MPPED2: variants seen among roughly 807,000 people sequenced by gnomAD.
MPPED2 encodes metallophosphoesterase domain containing 2.
A neutral mutation model predicts 33.0 loss-of-function variants in MPPED2; 5 were observed. The observed-to-expected ratio is 0.15, with a 90% CI of 0.08 to 0.32. MPPED2 has a LOEUF of 0.32. Ranked by LOEUF, MPPED2 falls within the 10% of genes least tolerant of loss-of-function variation. The pLI, the probability that MPPED2 is intolerant of heterozygous loss-of-function variation, is 1.00. For synonymous variants in MPPED2, 136 were observed against 141.9 expected (o/e 0.96, Z 0.29); for missense variants, 275 against 372.1 (o/e 0.74, Z 2.15).
At chr11:30,524,362 A>G (rs1435556240) in intron 3 of MPPED2, among the ~76,000 whole-genome samples, 11 of 152,170 alleles carry the variant, frequency 7.2e-5, no homozygotes, top group African/African-American at 2.7e-4. Flanking sequence ...GTGGTGGGAA[A>G]TTAAGGTGGA....
intron 4 of MPPED2, among the ~76,000 whole-genome samples, chr11:30,461,045 AAAGG>A (rs1950497964): frequency 6.6e-6 from 1 of 152,246 alleles, no homozygotes; most frequent in African/African-American, 2.4e-5. Flanking sequence ...TCAGCTTCAA[AAAGG>A]AAGGAAATTC....
rs112883606 is a variant in MPPED2, at chr11:30,572,036, A to G, written c.128+8210T>C. 2.7e-3 allele frequency among the ~76,000 whole-genome samples: 417 copies of G among 152,262 alleles called. 6 individuals carry two copies. The highest frequency in any genetic ancestry group is 9.5e-3 in the African/African-American group (395 of 41,578). ...TGATCTGATGGCTCCTAGTTGCAGG[A>G]TATGTCTATGAGTTGACGATGACTA... On this transcript the variant is annotated intron_variant, in intron 2 of 6. Transcript: ENST00000358117.
chr11:30,445,572 T>C (rs1375427060), intron 4 of MPPED2, among the ~76,000 whole-genome samples: 1 of 152,220 alleles, frequency 6.6e-6, no homozygotes, highest in Admixed American at 6.5e-5. Context: ...TCAAAATTTG[T>C]TCATCTTCCC....
intron 4 of MPPED2, among the ~76,000 whole-genome samples, chr11:30,481,733 A>T (rs1282829270): frequency 3.9e-5 from 6 of 152,076 alleles, no homozygotes; most frequent in African/African-American, 1.4e-4. Context: ...ATCAAAACGC[A>T]GCACCAAAAA....
intron 2 of MPPED2, among the ~76,000 whole-genome samples, chr11:30,563,576 C>T (rs1310680283): frequency 6.6e-6 from 1 of 152,094 alleles, no homozygotes; most frequent in Non-Finnish European, 1.5e-5. Flanking sequence ...TTTCAGCAAA[C>T]TGTAAGGAGG....
chr11:30,562,337 A>C (rs1170426383), intron 2 of MPPED2, among the ~76,000 whole-genome samples: 5 of 152,180 alleles, frequency 3.3e-5, no homozygotes, highest in Non-Finnish European at 7.3e-5. Context: ...GAGTGGTAGA[A>C]ACAGGAGGAC....
chr11:30,445,004 CT>C (rs1029056868), intron 4 of MPPED2, among the ~76,000 whole-genome samples: 2 of 144,128 alleles, frequency 1.4e-5, no homozygotes, highest in African/African-American at 4.9e-5. Flanking sequence ...TTCTTTTCCT[CT>C]TTGGGAATTG....
At chr11:30,462,424 A>T (rs1950546628) in intron 4 of MPPED2, among the ~76,000 whole-genome samples, 1 of 152,208 alleles carries the variant, frequency 6.6e-6, no homozygotes, top group African/African-American at 2.4e-5. Flanking sequence ...ACTTCAATAC[A>T]CGCTCTGCAT....
At chr11:30,551,053 C>T (rs1955687679) in intron 2 of MPPED2, among the ~76,000 whole-genome samples, 2 of 152,136 alleles carry the variant, frequency 1.3e-5, no homozygotes, top group African/African-American at 4.8e-5. Context: ...CTCATCTTAT[C>T]AGTAAAAAGG....
At chr11:30,573,257 T>C (rs1956782774) in intron 2 of MPPED2, among the ~76,000 whole-genome samples, 1 of 152,154 alleles carries the variant, frequency 6.6e-6, no homozygotes. Context: ...TTATTACTCA[T>C]GTGTTTATGG....
At chr11:30,405,017 G>A (rs370639548) in intron 6 of MPPED2, among the ~76,000 whole-genome samples, 10 of 152,182 alleles carry the variant, frequency 6.6e-5, no homozygotes, top group African/African-American at 2.2e-4. Flanking sequence ...ACAGCTGGAC[G>A]TATATGTGGG....
At chr11:30,423,352 C>A (rs1416154882) in intron 4 of MPPED2, among the ~76,000 whole-genome samples, 1 of 152,140 alleles carries the variant, frequency 6.6e-6, no homozygotes, top group African/African-American at 2.4e-5. Flanking sequence ...CTGGCTGCAT[C>A]AAAAAGACTT....
intron 4 of MPPED2, among the ~76,000 whole-genome samples, chr11:30,494,462 G>A (rs984862045): frequency 2.6e-5 from 4 of 152,030 alleles, no homozygotes; most frequent in Non-Finnish European, 5.9e-5. Context: ...AAAGGGCCAG[G>A]AGCGGTGGCT....
chr11:30,407,093 A>C (rs1211839696), downstream of MPPED2, among the ~76,000 whole-genome samples: 1 of 152,200 alleles, frequency 6.6e-6, no homozygotes, highest in African/African-American at 2.4e-5. Context: ...TCCCTACTTA[A>C]GACCTAGGTC....
chr11:30,480,308 G>T (rs564034641), intron 4 of MPPED2, among the ~76,000 whole-genome samples: 54 of 152,076 alleles, frequency 3.6e-4, no homozygotes, highest in African/African-American at 1.3e-3. Context: ...CCTTTTAAAT[G>T]CCTTTCCCTT....
At chr11:30,527,370 T>G (rs1057395009) in intron 3 of MPPED2, among the ~76,000 whole-genome samples, 2 of 151,832 alleles carry the variant, frequency 1.3e-5, no homozygotes, top group African/African-American at 4.8e-5. Flanking sequence ...AGAGTTGTTT[T>G]TTTTTTTTTT....
intron 4 of MPPED2, among the ~76,000 whole-genome samples, chr11:30,425,794 T>C (rs1455538041): frequency 6.6e-6 from 1 of 152,196 alleles, no homozygotes; most frequent in Non-Finnish European, 1.5e-5. Flanking sequence ...CAGTGGGACC[T>C]GCACTAATGT....
At chr11:30,454,022 T>C (rs1294622544) in intron 4 of MPPED2, among the ~76,000 whole-genome samples, 1 of 152,200 alleles carries the variant, frequency 6.6e-6, no homozygotes, top group Non-Finnish European at 1.5e-5. Flanking sequence ...TGTCATCTCC[T>C]GGCCACACAC....
At chr11:30,572,768 G>A (rs141226881) in intron 2 of MPPED2, among the ~76,000 whole-genome samples, 467 of 152,058 alleles carry the variant, frequency 3.1e-3, no homozygotes, top group African/African-American at 8.7e-3. Context: ...GAGCGTTAGG[G>A]GTCATTTCTC....
Sources: allele counts gnomAD v4.1 joint callset (sites outside exome capture counted in the v4.1 genomes callset), GRCh38; gene constraint gnomAD v4.1.1; transcripts MANE v1.5; gene names NCBI Gene and HGNC (gene_info 2026-07-23, HGNC 2026-07-21).